The following FAM187B variants were observed in gnomAD, a reference collection of about 807,000 sequenced individuals.
The protein encoded by FAM187B is family with sequence similarity 187 member B, also known as protein FAM187B.
FAM187B carries 22 observed loss-of-function variants against 22.6 expected under a neutral mutation model. The observed-to-expected ratio is 0.97, with a 90% confidence interval of 0.70 to 1.39. FAM187B has a LOEUF of 1.39. FAM187B is among the 40% of genes most tolerant of loss of function. The probability of loss-of-function intolerance (pLI) is 0.00; values close to 1 mark genes in which losing one functional copy is unlikely to be tolerated. For missense variants in FAM187B, 433 were observed against 462.1 expected, an observed-to-expected ratio of 0.94 and a Z score of 0.58; for synonymous variants, 192 against 201.8, an observed-to-expected ratio of 0.95 and a Z score of 0.41.
At position 35,225,217 on chromosome 19, in the gene FAM187B, G is replaced by A. The variant is rs1212258553; in HGVS notation, c.723-5C>T. ...TTGGCACGCCAGTTGACGGGCCTGC[G>A]AGGAGGACAAGGTCAGGTGCAGGGC... On this transcript the variant is annotated splice_region_variant and splice_polypyrimidine_tract_variant and intron_variant, in intron 1 of 1. Coordinates refer to ENST00000324675, the MANE Select transcript of FAM187B (RefSeq NM_152481.2). 6.7e-7 allele frequency: 1 copy of A among 1,484,854 alleles called. No individual in the cohort carries two copies. The highest frequency in any genetic ancestry group is 9.0e-7 in the Non-Finnish European group (1 of 1,116,542). 92.0% of individuals were successfully genotyped at this position (1,484,854 alleles called of 1,614,324 possible).
At chr19:35,226,117 T>C (rs752647050) in intron 1 of FAM187B, among the ~76,000 whole-genome samples, 2 of 152,138 alleles carry the variant, frequency 1.3e-5, no homozygotes, top group Admixed American at 6.6e-5. Context: ...CCCCACCACT[T>C]GACACTTTTA....
rs1298961456 is a variant in FAM187B at position 35,225,196 on chromosome 19, C to T, written c.739G>A (p.Ala247Thr). The stretch of plus-strand genomic sequence containing the variant: ...TCCCACGTCAGGGGGGTGTCGTTGG[C>T]ACGCCAGTTGACGGGCCTGCGAGGA... ...GSMYRPVNWR[A>T]NDTPLTWESQ... The change falls in exon 2 of 2, where the codon GCC becomes ACC. Residue 247 changes from alanine to threonine, a missense_variant. Physicochemically the swap from Ala to Thr is moderately conservative, Grantham distance 58. Coordinates refer to ENST00000324675, the MANE Select transcript of FAM187B (RefSeq NM_152481.2). The T allele has an allele frequency of 1.3e-6, 2 of 1,502,868 alleles. No individual in the cohort carries two copies. The highest frequency in any genetic ancestry group is 1.8e-6 in the Non-Finnish European group (2 of 1,124,694). 93.1% of individuals were successfully genotyped at this position (1,502,868 alleles called of 1,614,324 possible).
chr19:35,228,187 T>G lies in FAM187B; in HGVS notation c.494A>C (p.Tyr165Ser). 6.2e-7 allele frequency: 1 copy of G among 1,614,118 alleles called. No homozygotes were observed. Among genetic ancestry groups the G allele is most frequent in the Non-Finnish European group, 8.5e-7 (1 of 1,179,960 alleles). ...EEPGECKRLGYRYIEEPLEEA... is the reference protein window; with the variant it reads ...EEPGECKRLGSRYIEEPLEEA... Reference sequence around the variant, plus strand: ...CTCCAGAGGCTCCTCAATGTAGCGGTACCCCAGGCGTTTACACTCGCCCGG... The same window carrying G: ...CTCCAGAGGCTCCTCAATGTAGCGGGACCCCAGGCGTTTACACTCGCCCGG... The change falls in exon 1 of 2, where the codon TAC (tyrosine) becomes TCC (serine). Residue 165 changes from tyrosine to serine, a missense_variant. By Grantham distance (144) the Tyr-to-Ser change is moderately radical. Coordinates refer to ENST00000324675, the MANE Select transcript of FAM187B (RefSeq NM_152481.2).
rs1192724010 is a variant in FAM187B, at chr19:35,228,223, C to T, written c.458G>A (p.Arg153His). 14 of 1,614,082 alleles carry T rather than the reference C, an allele frequency of 8.7e-6. No individual in the cohort carries two copies. The highest frequency in any genetic ancestry group is 4.4e-5 in the South Asian group (4 of 91,090). ...TWWEPWQDCN[R>H]CEEPGECKRL... The stretch of plus-strand genomic sequence containing the variant: ...TTTACACTCGCCCGGCTCCTCACAG[C>T]GGTTGCAGTCCTGCCAGGGCTCCCA... Residue 153 changes from arginine to histidine, a missense_variant, in exon 1 of 2, where the codon CGC becomes CAC. Physicochemically the swap from Arg to His is conservative, Grantham distance 29. Transcript: ENST00000324675.
Position 35,225,190 on chromosome 19 carries a change from C to T in FAM187B, c.745G>A (p.Asp249Asn), listed in dbSNP as rs1167998241. The change falls in exon 2 of 2, where the codon GAC becomes AAC. Residue 249 changes from aspartate (D) to asparagine (N), a missense_variant. Transcript: ENST00000324675. ...MYRPVNWRAN[D>N]TPLTWESQLS... ...TGGCTCTCCCACGTCAGGGGGGTGT[C>T]GTTGGCACGCCAGTTGACGGGCCTG... 3.3e-6 allele frequency: 5 copies of T among 1,507,512 alleles called. No individual in the cohort carries two copies. The African/African-American group carries it at 4.1e-5, about 13-fold the overall frequency. The allele number at this position is 1,507,512 out of a possible 1,614,324, so 93.4% of individuals were successfully genotyped here.
rs148108075 is a variant in FAM187B, at chr19:35,228,133, C to G, written c.548G>C (p.Gly183Ala). ...GCGGCTAGACCACACCAGCACCTCTCCCAGATAGAGCCAGCAGGGCATGGC... is the reference window on the plus strand; with the variant it reads ...GCGGCTAGACCACACCAGCACCTCTGCCAGATAGAGCCAGCAGGGCATGGC... ...EEAMPCWLYLGEVLVWSSRLR... is the reference protein window; with the variant it reads ...EEAMPCWLYLAEVLVWSSRLR... The change falls in exon 1 of 2, where the codon GGA becomes GCA. Residue 183 changes from glycine (G) to alanine (A), a missense_variant. By Grantham distance (60) the Gly-to-Ala change is moderately conservative (BLOSUM62 0). Coordinates refer to ENST00000324675, the MANE Select transcript of FAM187B (RefSeq NM_152481.2). 1 of 1,614,242 alleles carries G rather than the reference C, an allele frequency of 6.2e-7. No homozygotes were observed.
intron 1 of FAM187B, among the ~76,000 whole-genome samples, chr19:35,227,441 A>G (rs543171564): frequency 1.4e-3 from 220 of 152,224 alleles, no homozygotes; most frequent in African/African-American, 5.0e-3. Flanking sequence ...GCTGGTCTCG[A>G]ACTCCTGACC....
Position 35,228,106 on chromosome 19 carries a change from A to C in FAM187B, c.575T>G (p.Leu192Trp), listed in dbSNP as rs770388608. 23 of 1,614,252 alleles carry C rather than the reference A, an allele frequency of 1.4e-5. No homozygotes were observed. Among genetic ancestry groups the C allele is most frequent in the Non-Finnish European group, 1.9e-5 (23 of 1,180,044 alleles). ...GGCTTCCACCTGCAGCTCAGGCCGC[A>C]AGCGGCTAGACCACACCAGCACCTC... ...LGEVLVWSSR[L>W]RPELQVEACH... Residue 192 changes from leucine (L) to tryptophan (W), a missense_variant, in exon 1 of 2, where the codon TTG becomes TGG. By Grantham distance (61) the Leu-to-Trp change is moderately conservative. Coordinates refer to ENST00000324675, the MANE Select transcript of FAM187B (RefSeq NM_152481.2).
chr19:35,224,807 G>C lies in FAM187B; in HGVS notation c.*18C>G, dbSNP rs1278500422. 1.3e-6 allele frequency: 2 copies of C among 1,588,408 alleles called. No homozygotes were observed. The highest frequency in any genetic ancestry group is 1.7e-6 in the Non-Finnish European group (2 of 1,165,570). On this transcript the variant is annotated 3_prime_UTR_variant, in exon 2 of 2. Coordinates refer to ENST00000324675, the MANE Select transcript of FAM187B (RefSeq NM_152481.2). ...AGAGAACCGGAGGCCGGGTCCGCTT[G>C]TGCACCGGGGGCTCGCTTTATTTCA...
At chr19:35,226,257 A>C (rs1046533553) in intron 1 of FAM187B, among the ~76,000 whole-genome samples, 6 of 152,088 alleles carry the variant, frequency 3.9e-5, no homozygotes, top group Non-Finnish European at 8.8e-5. Flanking sequence ...TGAGCCCAGG[A>C]GTTTGGGCTC....
chr19:35,227,298 C>A (rs2065664392), intron 1 of FAM187B, among the ~76,000 whole-genome samples: 1 of 152,024 alleles, frequency 6.6e-6, no homozygotes, highest in Non-Finnish European at 1.5e-5. Context: ...CGGCTCACTG[C>A]AACCTCCGCC....
chr19:35,227,370 C>A (rs1414447260), intron 1 of FAM187B, among the ~76,000 whole-genome samples: 1 of 152,158 alleles, frequency 6.6e-6, no homozygotes, highest in Non-Finnish European at 1.5e-5. Flanking sequence ...CAGGCACGTG[C>A]CACCATACCT....
intron 1 of FAM187B, among the ~76,000 whole-genome samples, chr19:35,227,324 AT>A (rs1175416130): frequency 1.3e-5 from 2 of 151,870 alleles, no homozygotes; most frequent in African/African-American, 4.8e-5. Flanking sequence ...GGTTCAAGTG[AT>A]TCTCCTGCGT....
chr19:35,228,370 A>C lies in FAM187B; in HGVS notation c.311T>G (p.Val104Gly), dbSNP rs2065668611. ...HCWNKNGRQV[V>G]QYEIDFQDVT... is the part of the protein sequence containing the mutation. ...ATCCTGAAAGTCAATTTCATACTGC[A>C]CCACTTGGCGGCCATTCTTGTTCCA... Residue 104 changes from valine to glycine, a missense_variant, in exon 1 of 2, where the codon GTG becomes GGG. Val to Gly is a moderately radical substitution (Grantham distance 109, BLOSUM62 -3). Transcript: ENST00000324675. 1.2e-6 allele frequency: 2 copies of C among 1,613,400 alleles called. No homozygotes were observed. Among genetic ancestry groups the C allele is most frequent in the Admixed American group, 3.3e-5 (2 of 59,974 alleles).
At chr19:35,226,472 T>C (rs1414565557) in intron 1 of FAM187B, among the ~76,000 whole-genome samples, 1 of 151,986 alleles carries the variant, frequency 6.6e-6, no homozygotes, top group Non-Finnish European at 1.5e-5. Flanking sequence ...CTAATAATAA[T>C]AACAATAATA....
At chr19:35,227,852 G>A (rs909161746) in intron 1 of FAM187B, 107 bp downstream of exon 1, 9 of 1,482,556 alleles carry the variant, frequency 6.1e-6, no homozygotes, top group Middle Eastern at 2.3e-4. Context: ...TGACCACTAC[G>A]TGGCTGAACT....
In FAM187B at chr19:35,228,612, G is replaced by GTA; in HGVS notation, c.68_69insTA (p.Cys24ThrfsTer52). On this transcript the variant is annotated frameshift_variant, in exon 1 of 2. Transcript: ENST00000324675. LOFTEE classifies it high-confidence loss of function. ...GTTGGCACTGCTTACCACTGGGGCA[G>GTA]CTGATGGAAAAGTAGAACCCCAGTG... 1 of 1,614,026 alleles carries GTA rather than the reference G, an allele frequency of 6.2e-7. No individual in the cohort carries two copies. The highest frequency in any genetic ancestry group is 8.5e-7 in the Non-Finnish European group (1 of 1,180,036).
At chr19:35,227,305 C>T (rs112227842) in intron 1 of FAM187B, among the ~76,000 whole-genome samples, 16,405 of 151,458 alleles carry the variant, frequency 0.11, 1,167 homozygotes, top group Admixed American at 0.18. Context: ...CTGCAACCTC[C>T]GCCTCCCGGG....
At position 35,227,848 on chromosome 19, in the gene FAM187B, C is replaced by T. The variant is rs376851880; in HGVS notation, c.722+111G>A. The T allele has an allele frequency of 1.3e-5, 19 of 1,474,220 alleles. No homozygotes were observed. In the African/African-American group the frequency reaches 2.5e-4, roughly 20 times the overall value. The allele number at this position is 1,474,220 out of a possible 1,614,324, so 91.3% of individuals were successfully genotyped here. ...GGGCCTGGCACTGTCCTGATGACCACTACGTGGCTGAACTGCAAAGAACGC... is the reference window on the plus strand; with the variant it reads ...GGGCCTGGCACTGTCCTGATGACCATTACGTGGCTGAACTGCAAAGAACGC... On this transcript the variant is annotated intron_variant, in intron 1 of 1. Coordinates refer to ENST00000324675, the MANE Select transcript of FAM187B (RefSeq NM_152481.2).
Sources: allele counts gnomAD v4.1 joint callset (sites outside exome capture counted in the v4.1 genomes callset), GRCh38; gene constraint gnomAD v4.1.1; transcripts MANE v1.5; gene names NCBI Gene and HGNC (gene_info 2026-07-23, HGNC 2026-07-21).